Variants in ZNF420 observed in about 807,000 individuals in gnomAD.
ZNF420 encodes the protein zinc finger protein 420.
A neutral mutation model predicts 44.7 loss-of-function variants in ZNF420; 31 were observed. The ratio of observed to expected loss-of-function variants is 0.69; its 90% CI spans 0.52 to 0.94. The LOEUF is 0.94. Among genes scored for constraint, ZNF420 ranks in the 40% least tolerant of loss-of-function variants. ZNF420 has a pLI of 0.00. For synonymous variants in ZNF420, 245 were observed against 267.4 expected (o/e 0.92, Z 0.82); for missense variants, 681 against 827.9 (o/e 0.82, Z 2.18).
chr19:37,089,300 C>G (rs1445216527), intron 3 of ZNF420, among the ~76,000 whole-genome samples, 173 bp downstream of exon 3: 2 of 152,174 alleles, frequency 1.3e-5, no homozygotes, highest in African/African-American at 4.8e-5. Context: ...TCTTTCGAAT[C>G]TAACCTTTAG....
intron 1 of ZNF420, among the ~76,000 whole-genome samples, chr19:37,051,382 T>G (rs996691965): frequency 2.0e-5 from 3 of 152,208 alleles, no homozygotes; most frequent in Non-Finnish European, 4.4e-5. Context: ...CTATTAATTA[T>G]TGCCTCAATT....
intron 1 of ZNF420, among the ~76,000 whole-genome samples, chr19:37,028,248 T>C (rs1179638545): frequency 6.6e-6 from 1 of 152,212 alleles, no homozygotes; most frequent in Non-Finnish European, 1.5e-5. Context: ...GATGATGGAC[T>C]GCGGGGAAAG....
intron 1 of ZNF420, among the ~76,000 whole-genome samples, chr19:37,061,613 A>G (rs1967881133): frequency 6.6e-6 from 1 of 152,244 alleles, no homozygotes; most frequent in Non-Finnish European, 1.5e-5. Context: ...TGAGAAAACA[A>G]TATGATGAAG....
intron 4 of ZNF420, among the ~76,000 whole-genome samples, chr19:37,121,025 A>G (rs867414951): frequency 6.6e-6 from 1 of 151,936 alleles, no homozygotes; most frequent in Middle Eastern, 3.4e-3. Flanking sequence ...GGAAGAATCA[A>G]TATCATGAAA....
At chr19:37,037,719 C>T (rs749629722) in intron 1 of ZNF420, among the ~76,000 whole-genome samples, 1 of 152,164 alleles carries the variant, frequency 6.6e-6, no homozygotes, top group African/African-American at 2.4e-5. Flanking sequence ...TAGCATGCCT[C>T]AATAGCAGGC....
chr19:37,082,500 A>G (rs1449106715), intron 2 of ZNF420, among the ~76,000 whole-genome samples: 1 of 152,166 alleles, frequency 6.6e-6, no homozygotes, highest in Non-Finnish European at 1.5e-5. Flanking sequence ...TATTTAGTCC[A>G]TTTATATTTA....
chr19:37,038,570 T>C (rs1417210391), intron 1 of ZNF420, among the ~76,000 whole-genome samples: 1 of 152,226 alleles, frequency 6.6e-6, no homozygotes, highest in South Asian at 2.1e-4. Flanking sequence ...CTTTCAACAA[T>C]GTTGACAGCA....
chr19:37,042,786 T>A (rs1350891563), intron 1 of ZNF420, among the ~76,000 whole-genome samples: 1 of 152,224 alleles, frequency 6.6e-6, no homozygotes, highest in Non-Finnish European at 1.5e-5. Flanking sequence ...ACAAGAAGTA[T>A]AGCTTTCAGC....
chr19:37,098,102 C>A (rs1969563253), intron 4 of ZNF420, among the ~76,000 whole-genome samples: 1 of 152,034 alleles, frequency 6.6e-6, no homozygotes, highest in East Asian at 1.9e-4. Context: ...CAGGCATGTG[C>A]CACCATGCCT....
At chr19:37,119,217 C>T (rs4805200) in intron 4 of ZNF420, among the ~76,000 whole-genome samples, 3 of 151,476 alleles carry the variant, frequency 2.0e-5, no homozygotes, top group East Asian at 1.9e-4. Flanking sequence ...CCACATAGTT[C>T]GAAGTAAAGC....
chr19:37,080,850 C>T (rs1441764498), intron 2 of ZNF420, among the ~76,000 whole-genome samples: 3 of 151,162 alleles, frequency 2.0e-5, no homozygotes, highest in Non-Finnish European at 4.4e-5. Context: ...GTTAGGAGAT[C>T]GAAACCATCC....
chr19:37,048,032 T>C (rs577606024), intron 1 of ZNF420, among the ~76,000 whole-genome samples: 9 of 152,316 alleles, frequency 5.9e-5, no homozygotes, highest in South Asian at 2.1e-4. Flanking sequence ...CCAGCTGTCA[T>C]ACACACAACA....
chr19:37,044,377 G>C (rs760047010), intron 1 of ZNF420, among the ~76,000 whole-genome samples: 4 of 152,120 alleles, frequency 2.6e-5, no homozygotes, highest in African/African-American at 9.7e-5. Context: ...ACCGAGGATC[G>C]GTGGGTGGCA....
chr19:37,036,956 C>CG (rs1967366167), intron 1 of ZNF420, among the ~76,000 whole-genome samples: 2 of 152,282 alleles, frequency 1.3e-5, no homozygotes, highest in African/African-American at 4.8e-5. Flanking sequence ...GTGCTCTGCA[C>CG]GAGAATGTGG....
In ZNF420 at chr19:37,127,367, T is replaced by C. The variant is rs762754479; in HGVS notation, c.376T>C (p.Leu126=). Residue 126 remains leucine, a synonymous_variant, in exon 5 of 5, where the codon TTA becomes CTA. Coordinates refer to ENST00000337995, the MANE Select transcript of ZNF420 (RefSeq NM_144689.5). ...KMSIFNQHTY[L]SQHSRCHSTE... is the part of the protein sequence containing the mutation. ...GTCCATTTTCAACCAGCATACTTAC[T>C]TATCTCAACATTCAAGATGTCATTC... 8.1e-6 allele frequency: 13 copies of C among 1,613,042 alleles called. No homozygotes were observed. The highest frequency in any genetic ancestry group is 1.1e-5 in the Non-Finnish European group (13 of 1,179,154).
chr19:37,038,319 C>G (rs1165759058), intron 1 of ZNF420, among the ~76,000 whole-genome samples: 1 of 152,184 alleles, frequency 6.6e-6, no homozygotes, highest in Non-Finnish European at 1.5e-5. Context: ...TTGATGGCTA[C>G]TGACTTATTG....
intron 1 of ZNF420, among the ~76,000 whole-genome samples, chr19:37,063,752 T>G (rs1967919646): frequency 6.6e-6 from 1 of 152,164 alleles, no homozygotes; most frequent in African/African-American, 2.4e-5. Context: ...AAAAAGGACA[T>G]GCCCCTACCT....
Position 37,128,611 on chromosome 19 carries a change from T to G in ZNF420, c.1620T>G (p.Phe540Leu). 6.2e-7 allele frequency: 1 copy of G among 1,613,896 alleles called. No homozygotes were observed. The highest frequency in any genetic ancestry group is 8.5e-7 in the Non-Finnish European group (1 of 1,179,884). ...TGTGTAATGAATGTGGAAAGGCCTT[T>G]GCGCGTGGCTTACTACTTATACAAC... ...PYVCNECGKA[F>L]ARGLLLIQHQ... Residue 540 changes from phenylalanine to leucine, a missense_variant, in exon 5 of 5, where the codon TTT becomes TTG. Around this residue, in one of 3 missense-constraint regions of ZNF420, gnomAD observed 280 missense variants for 338.6 expected, o/e 0.83. Transcript: ENST00000337995.
At chr19:37,101,886 C>T (rs1969797913) in intron 4 of ZNF420, among the ~76,000 whole-genome samples, 1 of 152,066 alleles carries the variant, frequency 6.6e-6, no homozygotes. Flanking sequence ...TGGGCCCCCT[C>T]AGGATTTGCT....
Sources: gnomAD v4.1 joint callset for allele counts (sites outside exome capture counted in the v4.1 genomes callset) on GRCh38, gnomAD v4.1.1 for gene constraint, gnomAD v4.1.1 regional missense constraint, MANE v1.5 for transcripts, NCBI Gene and HGNC (gene_info 2026-07-23, HGNC 2026-07-21) for gene names.